SEMA3A: variants seen among roughly 807,000 people sequenced by gnomAD.
SEMA3A encodes the protein semaphorin 3A, also known as semaphorin-3A.
Under a neutral mutation model 97.9 loss-of-function variants are expected in SEMA3A, and 29 were observed. That is an observed-to-expected ratio of 0.30 (90% CI 0.22 to 0.40). The LOEUF (loss-of-function observed/expected upper bound fraction) is 0.40, where lower values mean the gene tolerates loss of function less well. SEMA3A is among the 10% of genes least tolerant of loss of function. The pLI is 1.00. For missense variants in SEMA3A, 763 were observed against 951.3 expected (o/e 0.80, Z 2.60); for synonymous variants, 321 against 323.7 (o/e 0.99, Z 0.09).
At chr7:84,467,370 A>C (rs1806027487) in intron 1 of SEMA3A, among the ~76,000 whole-genome samples, 1 of 151,688 alleles carries the variant, frequency 6.6e-6, no homozygotes, top group African/African-American at 2.4e-5. Context: ...AAAATACAAA[A>C]AATTAGCTGG....
At chr7:84,366,996 A>T (rs60694347) in intron 2 of SEMA3A, among the ~76,000 whole-genome samples, 1 of 151,192 alleles carries the variant, frequency 6.6e-6, no homozygotes, top group South Asian at 2.1e-4. Flanking sequence ...AAAAAAAAAA[A>T]ACCTTAATTT....
At chr7:84,470,298 A>G (rs1217748078) in intron 1 of SEMA3A, among the ~76,000 whole-genome samples, 1 of 151,962 alleles carries the variant, frequency 6.6e-6, no homozygotes, top group Non-Finnish European at 1.5e-5. Flanking sequence ...TTCTTAACAA[A>G]CCTCATTTTT....
intron 6 of SEMA3A, among the ~76,000 whole-genome samples, chr7:84,042,071 T>C (rs1792154076): frequency 6.6e-6 from 1 of 152,112 alleles, no homozygotes; most frequent in Non-Finnish European, 1.5e-5. Flanking sequence ...CATAGTTTAT[T>C]TGCAGTCATA....
chr7:84,455,971 G>A (rs1805675063), intron 1 of SEMA3A, among the ~76,000 whole-genome samples: 1 of 151,848 alleles, frequency 6.6e-6, no homozygotes, highest in Non-Finnish European at 1.5e-5. Context: ...AAGGTCATAT[G>A]GATACATATT....
At chr7:84,279,352 G>A (rs1800382035) in intron 3 of SEMA3A, among the ~76,000 whole-genome samples, 2 of 152,038 alleles carry the variant, frequency 1.3e-5, no homozygotes, top group East Asian at 1.9e-4. Flanking sequence ...CATCACTCTT[G>A]TACTTTCCTA....
At chr7:84,266,112 A>G (rs1799993598) in intron 3 of SEMA3A, among the ~76,000 whole-genome samples, 1 of 152,004 alleles carries the variant, frequency 6.6e-6, no homozygotes, top group African/African-American at 2.4e-5. Context: ...TGAGGTCAGG[A>G]GTTCAAGACC....
chr7:84,362,662 A>G (rs1802755516), intron 2 of SEMA3A, among the ~76,000 whole-genome samples: 1 of 152,050 alleles, frequency 6.6e-6, no homozygotes, highest in Non-Finnish European at 1.5e-5. Flanking sequence ...ATAGTAGAAT[A>G]ACTATTGTTA....
intron 1 of SEMA3A, among the ~76,000 whole-genome samples, chr7:84,482,436 C>A (rs952685173): frequency 6.6e-6 from 1 of 151,882 alleles, no homozygotes; most frequent in Non-Finnish European, 1.5e-5. Flanking sequence ...TTTTTAGTGG[C>A]GCTTTTAAAT....
At chr7:84,460,630 T>C (rs923863175) in intron 1 of SEMA3A, among the ~76,000 whole-genome samples, 2 of 152,216 alleles carry the variant, frequency 1.3e-5, no homozygotes, top group South Asian at 2.1e-4. Flanking sequence ...CCACTGATTG[T>C]CCATAACCTG....
chr7:83,998,453 T>G (rs916029314), intron 12 of SEMA3A, among the ~76,000 whole-genome samples: 33 of 152,296 alleles, frequency 2.2e-4, no homozygotes, highest in South Asian at 2.1e-4. Context: ...GAATGGAGCT[T>G]GCAGGACTGG....
At chr7:84,318,093 CTTTT>C (rs1433920514) in intron 2 of SEMA3A, among the ~76,000 whole-genome samples, 1 of 145,898 alleles carries the variant, frequency 6.9e-6, no homozygotes, top group Non-Finnish European at 1.6e-5. Flanking sequence ...CAATATTGCT[CTTTT>C]TTAACATTTA....
intron 1 of SEMA3A, among the ~76,000 whole-genome samples, chr7:84,407,170 A>G (rs1229951434): frequency 1.3e-5 from 2 of 152,296 alleles, no homozygotes; most frequent in Admixed American, 1.3e-4. Flanking sequence ...TCAGCCCAAA[A>G]TCTCCTTAAG....
chr7:84,007,785 A>G (rs1189013020), intron 9 of SEMA3A, among the ~76,000 whole-genome samples: 1 of 152,176 alleles, frequency 6.6e-6, no homozygotes, highest in Admixed American at 6.5e-5. Flanking sequence ...GATAGGAAAA[A>G]CAAATACATA....
chr7:84,048,685 G>A (rs1320158102), intron 5 of SEMA3A, among the ~76,000 whole-genome samples: 1 of 151,784 alleles, frequency 6.6e-6, no homozygotes, highest in Non-Finnish European at 1.5e-5. Flanking sequence ...ACTAAAAATA[G>A]AATAATTTAA....
At chr7:84,238,925 C>T (rs1175095860) in intron 3 of SEMA3A, among the ~76,000 whole-genome samples, 1 of 151,976 alleles carries the variant, frequency 6.6e-6, no homozygotes, top group African/African-American at 2.4e-5. Flanking sequence ...CCATGTTAGC[C>T]AGACTGGTCT....
chr7:84,060,928 TTTCC>T lies in SEMA3A; in HGVS notation c.454-374_454-371del, dbSNP rs1333508442. ...TGTTAAACTTAAATAAAATGACTCA[TTTCC>T]TTCCTTTGTAGAAAAGAAAAATAGC... On this transcript the variant is annotated intron_variant, in intron 4 of 16. Transcript: ENST00000265362. 3.3e-5 allele frequency among the ~76,000 whole-genome samples: 5 copies of T among 152,340 alleles called. No homozygotes were observed. The East Asian group carries it at 9.6e-4, about 29-fold the overall frequency.
At chr7:84,080,261 G>T (rs1794107780) in intron 4 of SEMA3A, among the ~76,000 whole-genome samples, 1 of 149,172 alleles carries the variant, frequency 6.7e-6, no homozygotes, top group Non-Finnish European at 1.5e-5. Context: ...TGAATGATGA[G>T]TTAATGGGTG....
chr7:84,248,593 T>A (rs560370403), intron 3 of SEMA3A, among the ~76,000 whole-genome samples: 1 of 151,010 alleles, frequency 6.6e-6, no homozygotes, highest in African/African-American at 2.4e-5. Context: ...GCTTTTTTTT[T>A]AGCTCTATTA....
intron 2 of SEMA3A, among the ~76,000 whole-genome samples, chr7:84,362,221 A>G (rs1802743784): frequency 6.6e-6 from 1 of 151,952 alleles, no homozygotes; most frequent in African/African-American, 2.4e-5. Flanking sequence ...TGCTAAATAA[A>G]TAAATAAATA....
Sources: allele counts gnomAD v4.1 joint callset (sites outside exome capture counted in the v4.1 genomes callset), GRCh38; gene constraint gnomAD v4.1.1; transcripts MANE v1.5; gene names NCBI Gene and HGNC (gene_info 2026-07-23, HGNC 2026-07-21).